Variants in CAPRIN2 observed in about 807,000 individuals in gnomAD.
The protein encoded by CAPRIN2 is caprin-2.
Under a neutral mutation model 130.4 loss-of-function variants are expected in CAPRIN2, and 66 were observed. That is an observed-to-expected ratio of 0.51 (90% CI 0.42 to 0.62). The LOEUF is 0.62. Ranked by LOEUF, CAPRIN2 falls within the 20% of genes least tolerant of loss-of-function variation. CAPRIN2 has a pLI of 0.00. For missense variants in CAPRIN2, 1,185 were observed against 1,246.6 expected (o/e 0.95, Z 0.74); for synonymous variants, 471 against 444.1 (o/e 1.06, Z -0.76).
chr12:30,754,711 C>A, upstream of CAPRIN2: 1 of 153,726 alleles, frequency 6.5e-6, no homozygotes, highest in South Asian at 1.8e-4. Context: ...AGCCGCCTCC[C>A]TCCGCCGCGC....
At chr12:30,732,702 G>A (rs2063141444) in intron 5 of CAPRIN2, among the ~76,000 whole-genome samples, 1 of 151,930 alleles carries the variant, frequency 6.6e-6, no homozygotes, top group South Asian at 2.1e-4. Context: ...ATTCATCTAT[G>A]TTGTTACATG....
At chr12:30,742,738 AG>A (rs1388588636) in intron 2 of CAPRIN2, among the ~76,000 whole-genome samples, 3 of 152,034 alleles carry the variant, frequency 2.0e-5, no homozygotes, top group Non-Finnish European at 4.4e-5. Flanking sequence ...TCATGGTTAC[AG>A]GAAGGAGAAG....
intron 2 of CAPRIN2, among the ~76,000 whole-genome samples, chr12:30,748,821 A>G (rs10771765): frequency 0.48 from 73,594 of 152,032 alleles, 18,342 homozygotes; most frequent in African/African-American, 0.55. Flanking sequence ...TATGTAATAA[A>G]TATTTTATAT....
chr12:30,724,421 T>C, exon 10 of CAPRIN2: 1 of 1,612,978 alleles, frequency 6.2e-7, no homozygotes, highest in Non-Finnish European at 8.5e-7. Flanking sequence ...GGAATTGCAC[T>C]TGAAGGTTTG....
At chr12:30,717,475 A>G (rs1188652603) in intron 12 of CAPRIN2, among the ~76,000 whole-genome samples, 1 of 152,164 alleles carries the variant, frequency 6.6e-6, no homozygotes, top group East Asian at 1.9e-4. Flanking sequence ...TGTTTGGAAT[A>G]ATGACAAAGT....
chr12:30,713,872 A>G lies in CAPRIN2; in HGVS notation c.2514T>C (p.Tyr838=), dbSNP rs3213895. 1.9e-3 allele frequency: 3,060 copies of G among 1,593,526 alleles called. 51 individuals are homozygous for G. The African/African-American group carries it at 0.028, about 15-fold the overall frequency. ...CATTGGAAATTGAAGGGAGTCCTCTATAAGTATCAAAACCTAATAAATAAA... is the reference window on the plus strand; with the variant it reads ...CATTGGAAATTGAAGGGAGTCCTCTGTAAGTATCAAAACCTAATAAATAAA... Residue 838 remains tyrosine (Y), a synonymous_variant, in exon 15 of 17, where the codon TAT becomes TAC. Transcript: ENST00000298892.
chr12:30,753,439 T>C (rs754697322), exon 1 of CAPRIN2: 5 of 1,613,990 alleles, frequency 3.1e-6, no homozygotes, highest in Admixed American at 1.7e-5. Context: ...GCAGCAGAAC[T>C]CAGAGTAGAC....
In CAPRIN2 at chr12:30,715,590, T is replaced by G. The variant is rs561182222; in HGVS notation, c.2318-449A>C. ...GATGAAAAGTTCTGGAGGTGGACAG[T>G]GGTAATAATTACACAACAGTTTGGT... On this transcript the variant is annotated intron_variant, in intron 13 of 16. Coordinates refer to ENST00000298892, the Ensembl canonical transcript of CAPRIN2. 757 of 372,722 alleles carry G rather than the reference T, an allele frequency of 2.0e-3. 7 individuals are homozygous for G. Among genetic ancestry groups the G allele is most frequent in the Non-Finnish European group, 2.7e-3 (523 of 192,138 alleles). The allele number at this position is 372,722 out of a possible 1,614,324, so 23.1% of individuals were successfully genotyped here.
At chr12:30,709,836 G>A (rs2053713300) in exon 17 of CAPRIN2, 1 of 1,511,748 alleles carries the variant, frequency 6.6e-7, no homozygotes, top group Admixed American at 2.1e-5. Flanking sequence ...TGAGGGCAAA[G>A]ACTACTTTTC....
intron 15 of CAPRIN2, among the ~76,000 whole-genome samples, chr12:30,712,229 TTAG>T (rs200672809): frequency 7.8e-4 from 118 of 151,520 alleles, no homozygotes; most frequent in African/African-American, 2.8e-3. Flanking sequence ...AAAAGAATAA[TTAG>T]TGGTGTAATT....
exon 1 of CAPRIN2, chr12:30,753,500 T>C (rs767287801): frequency 5.0e-6 from 8 of 1,614,128 alleles, no homozygotes; most frequent in East Asian, 2.2e-5. Context: ...TGTGGTTCAC[T>C]TGGGGCTTGG....
upstream of CAPRIN2, chr12:30,754,859 C>T (rs910204093): frequency 1.3e-5 from 2 of 152,014 alleles, no homozygotes; most frequent in Admixed American, 6.6e-5. Flanking sequence ...GCACTCGCGT[C>T]TCCTCCTCCT....
At chr12:30,726,408 A>G (rs1029299531) in intron 8 of CAPRIN2, among the ~76,000 whole-genome samples, 1 of 147,886 alleles carries the variant, frequency 6.8e-6, no homozygotes, top group East Asian at 2.0e-4. Flanking sequence ...GCCACTGACA[A>G]TAAGACATAC....
exon 6 of CAPRIN2, chr12:30,731,467 G>A (rs745415292): frequency 6.2e-7 from 1 of 1,612,896 alleles, no homozygotes; most frequent in Non-Finnish European, 8.5e-7. Context: ...TTTCAAAATA[G>A]CCTGAGTTCA....
At chr12:30,729,096 T>A in exon 8 of CAPRIN2, 1 of 1,614,156 alleles carries the variant, frequency 6.2e-7, no homozygotes, top group Non-Finnish European at 8.5e-7. Context: ...TTTTGAGGTG[T>A]CTTGTTTCCT....
Position 30,714,999 on chromosome 12 carries a change from TC to T in CAPRIN2, c.2459del (p.Arg820AsnfsTer2). 1 of 1,614,040 alleles carries T rather than the reference TC, an allele frequency of 6.2e-7. No homozygotes were observed. Among genetic ancestry groups the T allele is most frequent in the Non-Finnish European group, 8.5e-7 (1 of 1,179,946 alleles). ...GGGACCGATAGGAATTGGTTATTAA[TC>T]TCCCACCACGAGTACATCCTCTAAC... On this transcript the variant is annotated frameshift_variant, in exon 14 of 17. Coordinates refer to ENST00000298892, the Ensembl canonical transcript of CAPRIN2. LOFTEE classifies it high-confidence loss of function.
At chr12:30,746,750 C>A (rs2070679182) in intron 2 of CAPRIN2, among the ~76,000 whole-genome samples, 1 of 152,188 alleles carries the variant, frequency 6.6e-6, no homozygotes, top group African/African-American at 2.4e-5. Flanking sequence ...AAGTTGGGAG[C>A]TAGCAGAAGC....
At chr12:30,721,189 A>G (rs1446146810) in intron 11 of CAPRIN2, among the ~76,000 whole-genome samples, 1 of 152,214 alleles carries the variant, frequency 6.6e-6, no homozygotes, top group Non-Finnish European at 1.5e-5. Context: ...CTGAGATTCA[A>G]ACTCAAGCAG....
chr12:30,749,300 T>C (rs1203938479), intron 2 of CAPRIN2, among the ~76,000 whole-genome samples: 1 of 152,094 alleles, frequency 6.6e-6, no homozygotes, highest in Non-Finnish European at 1.5e-5. Flanking sequence ...TAGGGCTTTG[T>C]AGACACACTA....
Sources: allele counts gnomAD v4.1 joint callset (sites outside exome capture counted in the v4.1 genomes callset), GRCh38; gene constraint gnomAD v4.1.1; transcripts MANE v1.5; gene names NCBI Gene and HGNC (gene_info 2026-07-23, HGNC 2026-07-21).